SZRD1: variants seen among roughly 807,000 people sequenced by gnomAD.
SZRD1 encodes the protein SUZ RNA binding domain containing 1, also known as SUZ RNA-binding domain-containing.
A neutral mutation model predicts 17.6 loss-of-function variants in SZRD1; 7 were observed. The ratio of observed to expected loss-of-function variants is 0.40; its 90% CI spans 0.23 to 0.75. The LOEUF (loss-of-function observed/expected upper bound fraction) is 0.75. Ranked by LOEUF, SZRD1 falls within the 30% of genes least tolerant of loss-of-function variation. The probability of loss-of-function intolerance (pLI) is 0.38; values close to 1 mark genes in which losing one functional copy is unlikely to be tolerated. For synonymous variants in SZRD1, 77 were observed against 77.9 expected, an observed-to-expected ratio of 0.99 and a Z score of 0.06; for missense variants, 178 against 201.8, an observed-to-expected ratio of 0.88 and a Z score of 0.71.
rs181846078 is a variant in SZRD1, at chr1:16,376,293, C to T, written c.51+8985C>T. Among the ~76,000 whole-genome samples the T allele has an allele frequency of 8.7e-4, 132 of 152,266 alleles. 2 individuals are homozygous for T. The South Asian group carries it at 0.013, about 15-fold the overall frequency. On this transcript the variant is annotated intron_variant, in intron 1 of 3. Transcript: ENST00000401088. ...AGTTACTAGCTCCTTTGAAGCATTTCATTTGTTTTCACCTGGGATTGACCT... is the reference window on the plus strand; with the variant it reads ...AGTTACTAGCTCCTTTGAAGCATTTTATTTGTTTTCACCTGGGATTGACCT...
At position 16,393,834 on chromosome 1, in the gene SZRD1, T is replaced by C. The variant is rs1427479102; in HGVS notation, c.356+352T>C. On this transcript the variant is annotated intron_variant, in intron 3 of 3. Transcript: ENST00000401088. This position sits in a 1 kb window ranked among gnomAD's most constrained non-coding sequence, Gnocchi z 5.6. ...GACTTGACCTCTCTGGGCCTTAGTT[T>C]TCTCATCTGAAAAAATGGGATAATA... Among the ~76,000 whole-genome samples the C allele has an allele frequency of 6.6e-6, 1 of 152,186 alleles. No homozygotes were observed. Among genetic ancestry groups the C allele is most frequent in the Non-Finnish European group, 1.5e-5 (1 of 68,034 alleles).
At chr1:16,387,882 A>G (rs987804372) in intron 1 of SZRD1, 3 of 358,212 alleles carry the variant, frequency 8.4e-6, no homozygotes, top group Non-Finnish European at 1.1e-5. Context: ...CCATCAATAC[A>G]GTCATTTTCA....
chr1:16,377,544 C>T (rs1287156293), intron 1 of SZRD1, among the ~76,000 whole-genome samples: 2 of 133,244 alleles, frequency 1.5e-5, no homozygotes, highest in Admixed American at 8.6e-5. Flanking sequence ...AAGATCATGA[C>T]AGAGACAGAC....
At chr1:16,384,864 C>G (rs1226963848) in intron 1 of SZRD1, among the ~76,000 whole-genome samples, 1 of 152,108 alleles carries the variant, frequency 6.6e-6, no homozygotes, top group Non-Finnish European at 1.5e-5. Context: ...CTCCCCGGGT[C>G]CACTTGTAGA....
At chr1:16,372,933 T>C (rs958799056) in intron 1 of SZRD1, among the ~76,000 whole-genome samples, 6 of 152,166 alleles carry the variant, frequency 3.9e-5, no homozygotes, top group African/African-American at 1.4e-4. Context: ...GAAAGTCTTG[T>C]AAAGAAGACG....
At chr1:16,381,464 G>C (rs955287339) in intron 1 of SZRD1, among the ~76,000 whole-genome samples, 2 of 151,718 alleles carry the variant, frequency 1.3e-5, no homozygotes, top group African/African-American at 4.9e-5. Context: ...GGCTGAGACA[G>C]GAGAATCGCT....
intron 1 of SZRD1, among the ~76,000 whole-genome samples, chr1:16,384,312 G>A (rs1458861289): frequency 2.0e-5 from 3 of 151,076 alleles, no homozygotes; most frequent in African/African-American, 7.3e-5. Flanking sequence ...AGTGAGGTGG[G>A]AGGATCACTT....
chr1:16,372,466 C>CT (rs2082930749), intron 1 of SZRD1, among the ~76,000 whole-genome samples: 1 of 151,880 alleles, frequency 6.6e-6, no homozygotes, highest in Admixed American at 6.6e-5. Context: ...GAGTGAGACT[C>CT]TGTCTCAAAA....
chr1:16,392,481 A>T (rs568250837), intron 2 of SZRD1, among the ~76,000 whole-genome samples: 68 of 152,000 alleles, frequency 4.5e-4, no homozygotes, highest in African/African-American at 1.6e-3. Flanking sequence ...CATCGCCTTG[A>T]TGTACGCGTC....
chr1:16,382,411 C>G (rs1224355272), intron 1 of SZRD1, among the ~76,000 whole-genome samples: 1 of 151,892 alleles, frequency 6.6e-6, no homozygotes, highest in Non-Finnish European at 1.5e-5. Flanking sequence ...TGGTCTGGAA[C>G]TCCTGATCTC....
In SZRD1 at chr1:16,395,248, CCTGA is replaced by C. The variant is rs1326398515; in HGVS notation, c.*111_*114del. 3.8e-6 allele frequency: 3 copies of C among 794,060 alleles called. No homozygotes were observed. Among genetic ancestry groups the C allele is most frequent in the South Asian group, 1.4e-5 (1 of 69,892 alleles). The allele number at this position is 794,060 out of a possible 1,614,324, so 49.2% of individuals were successfully genotyped here. ...AGCTGGACTTGAGCAGAGGGAACGA[CCTGA>C]CTTACTTGCACTGTGATCCCCCTTG... On this transcript the variant is annotated 3_prime_UTR_variant, in exon 4 of 4. Transcript: ENST00000401088.
chr1:16,375,067 G>A (rs929040194), intron 1 of SZRD1, among the ~76,000 whole-genome samples: 2 of 151,974 alleles, frequency 1.3e-5, no homozygotes, highest in Non-Finnish European at 2.9e-5. Context: ...TAGTAGAGAT[G>A]GGGTTTCACT....
chr1:16,385,416 C>T (rs2083172566), intron 1 of SZRD1, among the ~76,000 whole-genome samples: 1 of 152,178 alleles, frequency 6.6e-6, no homozygotes, highest in South Asian at 2.1e-4. Flanking sequence ...ATCATCACCC[C>T]AGGCTGTTGT....
intron 1 of SZRD1, among the ~76,000 whole-genome samples, chr1:16,370,372 G>T (rs925151250): frequency 9.9e-5 from 15 of 151,078 alleles, no homozygotes; most frequent in Admixed American, 8.6e-4. Flanking sequence ...ATTACAAGGC[G>T]CATGCTACCA....
At chr1:16,379,034 A>G (rs931381242) in intron 1 of SZRD1, among the ~76,000 whole-genome samples, 4 of 148,776 alleles carry the variant, frequency 2.7e-5, no homozygotes, top group African/African-American at 9.9e-5. Context: ...ACCTCCTTAT[A>G]TCCTACTTTA....
intron 1 of SZRD1, among the ~76,000 whole-genome samples, chr1:16,377,853 C>T (rs915542532): frequency 5.3e-5 from 8 of 152,128 alleles, no homozygotes; most frequent in South Asian, 4.1e-4. Context: ...GCATTGTTCC[C>T]GGCTCTCCAG....
chr1:16,393,291 G>A lies in SZRD1; in HGVS notation c.165G>A (p.Gly55=), dbSNP rs370945169. The change falls in exon 3 of 4, where the codon GGG becomes GGA. Residue 55 remains glycine, a synonymous_variant. Coordinates refer to ENST00000401088, the MANE Select transcript of SZRD1 (RefSeq NM_001114600.3). The surrounding 1 kb of genome is among the most constrained non-coding windows in gnomAD (Gnocchi z 5.6). ...TTCAGGACGATAGCCTTCCCGCGGG[G>A]CCCCCTCCACAGATCCGCATCCTCA... is the stretch of plus-strand genomic sequence containing the variant. ...IVIQDDSLPA[G]PPPQIRILKR... is the part of the protein sequence containing the mutation. 6 of 1,614,008 alleles carry A rather than the reference G, an allele frequency of 3.7e-6. No homozygotes were observed. In the South Asian group the frequency reaches 6.6e-5, roughly 18 times the overall value.
At chr1:16,377,400 TG>T (rs1185624500) in intron 1 of SZRD1, among the ~76,000 whole-genome samples, 1 of 152,000 alleles carries the variant, frequency 6.6e-6, no homozygotes, top group Non-Finnish European at 1.5e-5. Flanking sequence ...CTGGCCAACA[TG>T]GTGAAACCCT....
chr1:16,390,579 C>T (rs940886121), intron 1 of SZRD1: 1 of 152,182 alleles, frequency 6.6e-6, no homozygotes, highest in Non-Finnish European at 1.5e-5. Flanking sequence ...AGACCATGGA[C>T]CTCCAAAGCC....
Sources: allele counts gnomAD v4.1 joint callset (sites outside exome capture counted in the v4.1 genomes callset), GRCh38; gene constraint gnomAD v4.1.1; non-coding constraint Gnocchi (gnomAD v3.1); transcripts MANE v1.5; gene names NCBI Gene and HGNC (gene_info 2026-07-23, HGNC 2026-07-21).